SCN2A: variants seen among roughly 807,000 people sequenced by gnomAD.
SCN2A encodes the protein sodium channel protein type 2 subunit alpha.
In SCN2A, 20 loss-of-function variants were observed where a neutral mutation model predicts 188.7. That is an observed-to-expected ratio of 0.11 (90% CI 0.07 to 0.15). The LOEUF (loss-of-function observed/expected upper bound fraction) is 0.15, where lower values mean the gene tolerates loss of function less well. Among genes scored for constraint, SCN2A ranks in the 10% least tolerant of loss-of-function variants. The pLI is 1.00. For synonymous variants in SCN2A, 804 were observed against 833.1 expected, an observed-to-expected ratio of 0.97 and a Z score of 0.60; for missense variants, 1,278 against 2,445.0, an observed-to-expected ratio of 0.52 and a Z score of 10.07.
At chr2:165,327,136 A>G in intron 13 of SCN2A, 152 bp downstream of exon 13, 1 of 952,356 alleles carries the variant, frequency 1.1e-6, no homozygotes, top group Non-Finnish European at 1.6e-6. Flanking sequence ...TAACTCATGG[A>G]TTCTATTATC....
rs796595702 is a variant in SCN2A, at chr2:165,350,460, C to CTTTT, written c.2920-3729_2920-3728insTTTT. ...CTGAGTGAGCTTGCTGAACTGTTTT[C>CTTTT]TTTCTTTTTTTTTTTTTTTTTTTTT... On this transcript the variant is annotated intron_variant, in intron 16 of 26. Transcript: ENST00000375437. 6.4e-4 allele frequency among the ~76,000 whole-genome samples: 50 copies of CTTTT among 77,906 alleles called. 5 individuals carry two copies. The highest frequency in any genetic ancestry group is 1.3e-3 in the Admixed American group (8 of 6,244). The allele number at this position is 77,906 out of a possible 152,430, so 51.1% of individuals were successfully genotyped here.
At chr2:165,355,248 A>T (rs917890193) in intron 17 of SCN2A, among the ~76,000 whole-genome samples, 2 of 152,202 alleles carry the variant, frequency 1.3e-5, no homozygotes, top group African/African-American at 4.8e-5. Flanking sequence ...GAATCACACT[A>T]AAAACATATT....
intron 1 of SCN2A, among the ~76,000 whole-genome samples, chr2:165,251,787 T>C (rs1226123431): frequency 6.6e-6 from 1 of 152,114 alleles, no homozygotes; most frequent in Non-Finnish European, 1.5e-5. Context: ...TCTTGGGGTG[T>C]GTCATCTGTT....
In SCN2A at chr2:165,386,741, T is replaced by C. The variant is rs1701895710; in HGVS notation, c.4552-5T>C. 1.2e-6 allele frequency: 2 copies of C among 1,612,812 alleles called. No individual in the cohort carries two copies. Among genetic ancestry groups the C allele is most frequent in the Non-Finnish European group, 1.7e-6 (2 of 1,179,080 alleles). On this transcript the variant is annotated splice_region_variant and splice_polypyrimidine_tract_variant and intron_variant, in intron 25 of 26. Coordinates refer to ENST00000375437, the MANE Select transcript of SCN2A (RefSeq NM_001040142.2). ...AATGGAACTTTTACATATTATTTGT[T>C]CCAGAACAAATTCCAAGGAATGGTC...
chr2:165,245,903 T>C (rs1693823344), intron 1 of SCN2A, among the ~76,000 whole-genome samples: 2 of 152,222 alleles, frequency 1.3e-5, no homozygotes, highest in Non-Finnish European at 2.9e-5. Flanking sequence ...ACAAAGGGCA[T>C]TCAGCTAAGC....
At chr2:165,263,332 T>C (rs1428219468) in intron 1 of SCN2A, among the ~76,000 whole-genome samples, 1 of 152,144 alleles carries the variant, frequency 6.6e-6, no homozygotes, top group Non-Finnish European at 1.5e-5. Context: ...AGAAGGGTTT[T>C]TCTGATGTTC....
intron 25 of SCN2A, among the ~76,000 whole-genome samples, chr2:165,382,859 G>T (rs1000608101): frequency 6.6e-6 from 1 of 152,000 alleles, no homozygotes; most frequent in African/African-American, 2.4e-5. Context: ...AATTAGAATA[G>T]AGAAAAAAAC....
chr2:165,309,333 T>C lies in SCN2A; in HGVS notation c.606-19T>C. 1.2e-6 allele frequency: 2 copies of C among 1,613,688 alleles called. No individual in the cohort carries two copies. Among genetic ancestry groups the C allele is most frequent in the Non-Finnish European group, 1.7e-6 (2 of 1,179,698 alleles). Reference sequence around the variant, plus strand: ...CTTGTGTTCTGTCATTGTGTTTGTGTGTGAACCCCCTATTACAGATATGTG... The same window carrying C: ...CTTGTGTTCTGTCATTGTGTTTGTGCGTGAACCCCCTATTACAGATATGTG... On this transcript the variant is annotated intron_variant, in intron 5 of 26. Transcript: ENST00000375437.
rs746957483 is a variant in SCN2A at position 165,315,645 on chromosome 2, A to T, written c.1558A>T (p.Asn520Tyr). 42 of 1,614,006 alleles carry T rather than the reference A, an allele frequency of 2.6e-5. No homozygotes were observed. Among genetic ancestry groups the T allele is most frequent in the Non-Finnish European group, 3.4e-5 (40 of 1,179,990 alleles). ...QKEQSGEEEKNDRVRKSESED... is the reference protein window; with the variant it reads ...QKEQSGEEEKYDRVRKSESED... ...AGAACAGTCTGGAGAAGAAGAGAAA[A>T]ATGACAGAGTCCGAAAATCGGAATC... is the stretch of plus-strand genomic sequence containing the variant. Residue 520 changes from asparagine to tyrosine, a missense_variant, in exon 11 of 27, where the codon AAT (asparagine) becomes TAT (tyrosine). Asn to Tyr is a moderately radical substitution (Grantham distance 143). Transcript: ENST00000375437.
At chr2:165,306,504 TTGTGTGTG>T (rs10524719) in intron 3 of SCN2A, among the ~76,000 whole-genome samples, 3,491 of 147,386 alleles carry the variant, frequency 0.024, 63 homozygotes, top group African/African-American at 0.051. Context: ...AAATGGTATT[TTGTGTGTG>T]TGTGTGTGTG....
chr2:165,305,020 G>A (rs1697040979), intron 3 of SCN2A, among the ~76,000 whole-genome samples: 1 of 152,158 alleles, frequency 6.6e-6, no homozygotes, highest in Non-Finnish European at 1.5e-5. Flanking sequence ...TAATCTAGAT[G>A]GACTATTAGA....
chr2:165,335,081 A>G (rs1373119997), intron 14 of SCN2A, among the ~76,000 whole-genome samples: 1 of 151,754 alleles, frequency 6.6e-6, no homozygotes, highest in African/African-American at 2.4e-5. Flanking sequence ...ACTCAAAGCT[A>G]TAAAATATTG....
At chr2:165,356,447 C>T (rs2105340917) in intron 17 of SCN2A, among the ~76,000 whole-genome samples, 1 of 152,244 alleles carries the variant, frequency 6.6e-6, no homozygotes, top group African/African-American at 2.4e-5. Flanking sequence ...CTTATAGAAG[C>T]TGAAGTCGGC....
intron 1 of SCN2A, among the ~76,000 whole-genome samples, chr2:165,265,774 A>T (rs540510074): frequency 1.3e-5 from 2 of 151,036 alleles, no homozygotes; most frequent in South Asian, 4.2e-4. Flanking sequence ...AAAAAATATT[A>T]TTATTTCTTT....
At chr2:165,330,135 A>G (rs1205427323) in intron 13 of SCN2A, among the ~76,000 whole-genome samples, 1 of 152,192 alleles carries the variant, frequency 6.6e-6, no homozygotes, top group African/African-American at 2.4e-5. Context: ...ACTGTGCCAG[A>G]TATGGACAGA....
At chr2:165,295,086 G>A (rs947078725) in intron 1 of SCN2A, among the ~76,000 whole-genome samples, 1 of 152,182 alleles carries the variant, frequency 6.6e-6, no homozygotes, top group Non-Finnish European at 1.5e-5. Context: ...CTCTGATGTG[G>A]ATGACTTCCT....
intron 14 of SCN2A, among the ~76,000 whole-genome samples, chr2:165,338,630 C>T (rs1699144007): frequency 6.6e-6 from 1 of 151,986 alleles, no homozygotes; most frequent in Non-Finnish European, 1.5e-5. Context: ...CCCTCATGAA[C>T]ACAGAAGCAA....
chr2:165,290,750 T>C (rs1243531131), intron 1 of SCN2A: 1 of 984,878 alleles, frequency 1.0e-6, no homozygotes, highest in Admixed American at 6.2e-5. Context: ...GTGCGCTTGA[T>C]TGCAGTAGGA....
rs181496153 is a variant in SCN2A, at chr2:165,357,067, G to A, written c.3399+2396G>A. 4.4e-3 allele frequency among the ~76,000 whole-genome samples: 675 copies of A among 152,050 alleles called. 3 individuals carry two copies. Among genetic ancestry groups the A allele is most frequent in the African/African-American group, 0.016 (643 of 41,468 alleles). On this transcript the variant is annotated intron_variant, in intron 17 of 26. Coordinates refer to ENST00000375437, the MANE Select transcript of SCN2A (RefSeq NM_001040142.2). Reference sequence around the variant, plus strand: ...CTTCAGTGTTAACATTATTTGGAGGGGTTTTTAATTCTGGCTTTATATCAA... The same window carrying A: ...CTTCAGTGTTAACATTATTTGGAGGAGTTTTTAATTCTGGCTTTATATCAA...
Sources: gnomAD v4.1 joint callset for allele counts (sites outside exome capture counted in the v4.1 genomes callset) on GRCh38, gnomAD v4.1.1 for gene constraint, MANE v1.5 for transcripts, NCBI Gene and HGNC (gene_info 2026-07-23, HGNC 2026-07-21) for gene names.